The following PTPRD variants were observed in gnomAD, a reference collection of about 807,000 sequenced individuals.
The protein encoded by PTPRD is protein tyrosine phosphatase receptor type D.
In PTPRD, 34 loss-of-function variants were observed where a neutral mutation model predicts 214.5. The ratio of observed to expected loss-of-function variants is 0.16; its 90% CI spans 0.12 to 0.21. The LOEUF is 0.21. Among genes scored for constraint, PTPRD ranks in the 10% least tolerant of loss-of-function variants. The pLI is 1.00. For missense variants in PTPRD, 2,545 were observed against 2,398.7 expected (o/e 1.06, Z -1.27); for synonymous variants, 1,128 against 845.7 (o/e 1.33, Z -5.79).
chr9:8,652,273 T>C (rs998267546), intron 12 of PTPRD, among the ~76,000 whole-genome samples: 6 of 152,230 alleles, frequency 3.9e-5, no homozygotes, highest in East Asian at 1.9e-4. Context: ...TTTCCTTTTT[T>C]CTCTTTTTCC....
rs1176394314 is a variant in PTPRD, at chr9:9,580,547, C to CTTTTTTTTTTTTT, written c.-286-5779_-286-5767dup. Among the ~76,000 whole-genome samples, 8 of 123,072 alleles carry CTTTTTTTTTTTTT rather than the reference C, an allele frequency of 6.5e-5. 3 individuals carry two copies. The highest frequency in any genetic ancestry group is 1.7e-4 in the Admixed American group (2 of 11,760). The allele number at this position is 123,072 out of a possible 152,430, so 80.7% of individuals were successfully genotyped here. On this transcript the variant is annotated intron_variant, in intron 7 of 45. Transcript: ENST00000381196. ...TCATGTCCTTAGCTTACTTTATTTT[C>CTTTTTTTTTTTTT]TTTTTTTTTTTTTTTTTTTGAGACA... is the stretch of plus-strand genomic sequence containing the variant.
intron 11 of PTPRD, among the ~76,000 whole-genome samples, chr9:8,958,433 G>T (rs2099142854): frequency 6.6e-6 from 1 of 151,902 alleles, no homozygotes; most frequent in Non-Finnish European, 1.5e-5. Flanking sequence ...TAATATTGGT[G>T]CAGTTTTGAG....
At chr9:10,196,910 G>T (rs558885885) in intron 3 of PTPRD, among the ~76,000 whole-genome samples, 32 of 152,178 alleles carry the variant, frequency 2.1e-4, no homozygotes, top group African/African-American at 5.1e-4. Flanking sequence ...TTGCCCTTCT[G>T]CTAAGTGAGG....
chr9:10,588,627 T>G (rs180870555), intron 2 of PTPRD, among the ~76,000 whole-genome samples: 1 of 152,132 alleles, frequency 6.6e-6, no homozygotes, highest in Admixed American at 6.6e-5. Flanking sequence ...TAAAAGACTA[T>G]TGCTCAGTAT....
intron 37 of PTPRD, among the ~76,000 whole-genome samples, chr9:8,377,689 C>G (rs2083668036): frequency 6.6e-6 from 1 of 151,940 alleles, no homozygotes; most frequent in African/African-American, 2.4e-5. Context: ...CAGTATTTTA[C>G]AATAGGGAAT....
At chr9:8,353,814 A>G (rs1332534613) in intron 39 of PTPRD, among the ~76,000 whole-genome samples, 1 of 75,242 alleles carries the variant, frequency 1.3e-5, no homozygotes, top group Non-Finnish European at 2.6e-5. Flanking sequence ...CTTCTCAAAA[A>G]AAAATATATG....
At chr9:8,589,167 C>G (rs955393488) in intron 14 of PTPRD, among the ~76,000 whole-genome samples, 3 of 152,156 alleles carry the variant, frequency 2.0e-5, no homozygotes, top group African/African-American at 7.2e-5. Flanking sequence ...GGAATTTATT[C>G]TGGCTAACCT....
At chr9:10,349,384 G>T (rs1159532754) in intron 2 of PTPRD, among the ~76,000 whole-genome samples, 1 of 152,044 alleles carries the variant, frequency 6.6e-6, no homozygotes, top group East Asian at 1.9e-4. Flanking sequence ...ATATTTTCTA[G>T]CTGTAATTAC....
intron 33 of PTPRD, among the ~76,000 whole-genome samples, chr9:8,453,457 C>T (rs1376843672): frequency 6.6e-6 from 1 of 152,214 alleles, no homozygotes; most frequent in Non-Finnish European, 1.5e-5. Flanking sequence ...AGCCACCATG[C>T]CTGGCCGATG....
intron 7 of PTPRD, among the ~76,000 whole-genome samples, chr9:9,679,122 A>G (rs568044173): frequency 0.024 from 673 of 27,582 alleles, 4 homozygotes; most frequent in Middle Eastern, 0.068. Flanking sequence ...AAAAAGGGGG[A>G]AAAAAAAAAA....
At chr9:8,453,162 T>C (rs906527790) in intron 33 of PTPRD, among the ~76,000 whole-genome samples, 2 of 152,154 alleles carry the variant, frequency 1.3e-5, no homozygotes, top group Non-Finnish European at 2.9e-5. Context: ...TTGTAAAATA[T>C]GAAAAGTGTT....
chr9:10,554,571 G>A (rs2062042823), intron 2 of PTPRD, among the ~76,000 whole-genome samples: 1 of 151,906 alleles, frequency 6.6e-6, no homozygotes, highest in Admixed American at 6.6e-5. Flanking sequence ...CCAATTTCCA[G>A]GATAATATAT....
At chr9:10,017,050 C>T (rs1588996684) in intron 4 of PTPRD, among the ~76,000 whole-genome samples, 1 of 152,138 alleles carries the variant, frequency 6.6e-6, no homozygotes, top group African/African-American at 2.4e-5. Context: ...AAGAAAATAT[C>T]AAATTGTTTT....
At chr9:8,825,812 C>T (rs1407962190) in intron 11 of PTPRD, among the ~76,000 whole-genome samples, 9 of 151,896 alleles carry the variant, frequency 5.9e-5, no homozygotes, top group Admixed American at 5.2e-4. Flanking sequence ...GAGTAACTTC[C>T]GACATTCCCA....
At chr9:10,462,642 G>A (rs1193086747) in intron 2 of PTPRD, among the ~76,000 whole-genome samples, 2 of 151,726 alleles carry the variant, frequency 1.3e-5, no homozygotes, top group Non-Finnish European at 2.9e-5. Context: ...ATTTCCACCA[G>A]TCCCCCTTTC....
At chr9:9,850,631 A>C (rs66506857) in intron 5 of PTPRD, among the ~76,000 whole-genome samples, 69,345 of 151,960 alleles carry the variant, frequency 0.46, 18,101 homozygotes, top group Non-Finnish European at 0.61. Context: ...GGAATGATGA[A>C]ATCAAGCTAA....
intron 3 of PTPRD, among the ~76,000 whole-genome samples, chr9:10,184,209 G>A (rs1045277621): frequency 6.6e-6 from 1 of 152,134 alleles, no homozygotes; most frequent in Admixed American, 6.5e-5. Flanking sequence ...CAGATTACTT[G>A]ATGTCAGGGG....
intron 11 of PTPRD, among the ~76,000 whole-genome samples, chr9:8,823,003 G>A (rs1024090101): frequency 2.0e-5 from 3 of 152,072 alleles, no homozygotes; most frequent in African/African-American, 7.2e-5. Context: ...ATCTTCCAAT[G>A]CTTTCCCATC....
chr9:10,317,980 G>GT (rs895363686), intron 3 of PTPRD, among the ~76,000 whole-genome samples: 154 of 151,958 alleles, frequency 1.0e-3, no homozygotes, highest in African/African-American at 3.3e-3. Context: ...TGCATGTCCT[G>GT]TTTTTTTATC....
Sources: allele counts gnomAD v4.1 joint callset (sites outside exome capture counted in the v4.1 genomes callset), GRCh38; gene constraint gnomAD v4.1.1; transcripts MANE v1.5; gene names NCBI Gene and HGNC (gene_info 2026-07-23, HGNC 2026-07-21).